The following HCN1 variants were observed in gnomAD, a reference collection of about 807,000 sequenced individuals.
HCN1 encodes the protein potassium/sodium hyperpolarization-activated cyclic nucleotide-gated channel 1.
Under a neutral mutation model 78.9 loss-of-function variants are expected in HCN1, and 13 were observed. The observed-to-expected ratio is 0.16, with a 90% CI of 0.11 to 0.26. HCN1 has a LOEUF of 0.26. Among genes scored for constraint, HCN1 ranks in the 10% least tolerant of loss-of-function variants. The pLI, the probability that HCN1 is intolerant of heterozygous loss-of-function variation, is 1.00. For synonymous variants in HCN1, 552 were observed against 455.5 expected (o/e 1.21, Z -2.70); for missense variants, 810 against 1,154.3 (o/e 0.70, Z 4.32).
At chr5:45,268,731 C>A (rs909622152) in intron 6 of HCN1, among the ~76,000 whole-genome samples, 3 of 152,056 alleles carry the variant, frequency 2.0e-5, no homozygotes, top group African/African-American at 7.2e-5. Flanking sequence ...ATGTTGTAAA[C>A]CTGCTAAATA....
At chr5:45,327,121 G>A (rs1430193753) in intron 5 of HCN1, among the ~76,000 whole-genome samples, 2 of 151,558 alleles carry the variant, frequency 1.3e-5, no homozygotes, top group Admixed American at 1.3e-4. Context: ...GTAAGGTCCA[G>A]CACAATTTAG....
In HCN1 at chr5:45,255,413, A is replaced by T. The variant is rs899749916; in HGVS notation, c.*6508T>A. ...TTCAATATTAATACACATATGAATC[A>T]TCTGGGGATCTTGCCCAAAAGCGGA... On this transcript the variant is annotated 3_prime_UTR_variant, in exon 8 of 8. Coordinates refer to ENST00000303230, the MANE Select transcript of HCN1 (RefSeq NM_021072.4). 7.9e-5 allele frequency: 12 copies of T among 152,234 alleles called. No homozygotes were observed. The highest frequency in any genetic ancestry group is 3.2e-3 in the Middle Eastern group (1 of 316). The allele number at this position is 152,234 out of a possible 1,614,324, so 9.4% of individuals were successfully genotyped here. A position where few individuals can be genotyped will look rare whatever the true frequency, so the allele number is the denominator to read the frequency against.
At chr5:45,486,390 T>C (rs760629023) in intron 2 of HCN1, among the ~76,000 whole-genome samples, 25 of 152,170 alleles carry the variant, frequency 1.6e-4, no homozygotes, top group Admixed American at 2.6e-4. Flanking sequence ...TTAAATTCAT[T>C]CTATTACAAA....
At chr5:45,406,267 T>C (rs1739917707) in intron 3 of HCN1, among the ~76,000 whole-genome samples, 1 of 152,136 alleles carries the variant, frequency 6.6e-6, no homozygotes. Flanking sequence ...TAAATAAATA[T>C]AAGCAAACAT....
chr5:45,673,226 A>T (rs1746193402), intron 1 of HCN1, among the ~76,000 whole-genome samples: 1 of 151,572 alleles, frequency 6.6e-6, no homozygotes. Flanking sequence ...GGTATTGCAG[A>T]GGAATAGCAC....
chr5:45,340,744 T>C (rs1297076635), intron 5 of HCN1, among the ~76,000 whole-genome samples: 1 of 152,174 alleles, frequency 6.6e-6, no homozygotes, highest in Non-Finnish European at 1.5e-5. Flanking sequence ...ATTTTCTTTA[T>C]CAAAATAAAC....
chr5:45,465,706 G>T (rs1741255987), intron 2 of HCN1, among the ~76,000 whole-genome samples: 1 of 152,084 alleles, frequency 6.6e-6, no homozygotes, highest in Non-Finnish European at 1.5e-5. Context: ...AGTGAGTCGA[G>T]ATCATGCCAC....
Position 45,696,082 on chromosome 5 carries a change from G to A in HCN1, c.12C>T (p.Gly4=). The A allele has an allele frequency of 1.5e-6, 2 of 1,350,694 alleles. No homozygotes were observed. The highest frequency in any genetic ancestry group is 1.5e-5 in the South Asian group (1 of 67,914). 83.7% of individuals were successfully genotyped at this position (1,350,694 alleles called of 1,614,324 possible). The change falls in exon 1 of 8, where the codon GGC becomes GGT. Residue 4 remains glycine (G), a synonymous_variant. Coordinates refer to ENST00000303230, the MANE Select transcript of HCN1 (RefSeq NM_021072.4). ...TGTTAGACGAAGAGTTGGGCTTGCC[G>A]CCTCCTTCCATGCCCGGAGGACGCG... The part of the protein sequence containing the change: MEG[G]GKPNSSSNSR...
At chr5:45,586,064 A>T (rs1285189863) in intron 2 of HCN1, among the ~76,000 whole-genome samples, 2 of 152,122 alleles carry the variant, frequency 1.3e-5, no homozygotes, top group Admixed American at 6.6e-5. Context: ...TCAGACAGGG[A>T]CATTTAAGTC....
chr5:45,300,501 C>T (rs1745591956), intron 6 of HCN1, among the ~76,000 whole-genome samples: 1 of 151,816 alleles, frequency 6.6e-6, no homozygotes, highest in African/African-American at 2.4e-5. Flanking sequence ...TTTTCTCTTC[C>T]TTATTAATTT....
chr5:45,462,442 A>G (rs1454140722), intron 2 of HCN1, among the ~76,000 whole-genome samples: 2 of 152,096 alleles, frequency 1.3e-5, no homozygotes, highest in Admixed American at 6.6e-5. Context: ...TGAAAACCAT[A>G]TGCCAAAGGA....
At position 45,695,676 on chromosome 5, in the gene HCN1, C is replaced by A; in HGVS notation, c.418G>T (p.Asp140Tyr). 6.2e-7 allele frequency: 1 copy of A among 1,612,164 alleles called. No individual in the cohort carries two copies. Among genetic ancestry groups the A allele is most frequent in the Non-Finnish European group, 8.5e-7 (1 of 1,179,450 alleles). ...AGFWIIHPYS[D>Y]FRFYWDLIML... ...GCGACCGGGAGCCCTCACCTGAAAT[C>A]ACTGTAAGGGTGGATAATCCAGAAG... The change falls in exon 1 of 8, where the codon GAT (aspartate) becomes TAT (tyrosine). Residue 140 changes from aspartate to tyrosine, a missense_variant. By Grantham distance (160) the Asp-to-Tyr change is radical. Transcript: ENST00000303230.
At chr5:45,625,983 T>A (rs1163863187) in intron 2 of HCN1, among the ~76,000 whole-genome samples, 1 of 152,222 alleles carries the variant, frequency 6.6e-6, no homozygotes. Flanking sequence ...AATTCTTTTA[T>A]GTGCCAGGAA....
At chr5:45,326,237 T>TA (rs1484712333) in intron 5 of HCN1, among the ~76,000 whole-genome samples, 3 of 151,670 alleles carry the variant, frequency 2.0e-5, no homozygotes, top group South Asian at 2.1e-4. Flanking sequence ...CATAAATTTT[T>TA]AAAAAATAAA....
intron 4 of HCN1, among the ~76,000 whole-genome samples, chr5:45,354,063 G>A (rs181786189): frequency 6.7e-6 from 1 of 149,688 alleles, no homozygotes; most frequent in African/African-American, 2.5e-5. Flanking sequence ...GAGAGAGAGA[G>A]AGATTGTTTG....
chr5:45,629,332 T>C (rs569494265), intron 2 of HCN1, among the ~76,000 whole-genome samples: 3 of 152,280 alleles, frequency 2.0e-5, no homozygotes, highest in African/African-American at 7.2e-5. Flanking sequence ...CATTGTTAAT[T>C]GAGTAAATTT....
chr5:45,696,157 C>T lies in HCN1; in HGVS notation c.-64G>A. On this transcript the variant is annotated 5_prime_UTR_variant, in exon 1 of 8. Transcript: ENST00000303230. ...CTCGCCGGCCGCCCGGCGCCGGAGA[C>T]ACGTAGCCGAGAGGGTAGGGGCCCG... 1 of 1,159,310 alleles carries T rather than the reference C, an allele frequency of 8.6e-7. No individual in the cohort carries two copies. The highest frequency in any genetic ancestry group is 1.1e-6 in the Non-Finnish European group (1 of 916,494). The allele number at this position is 1,159,310 out of a possible 1,614,324, so 71.8% of individuals were successfully genotyped here. A position where few individuals can be genotyped will look rare whatever the true frequency, so the allele number is the denominator to read the frequency against.
intron 6 of HCN1, among the ~76,000 whole-genome samples, chr5:45,274,168 T>C (rs1237767471): frequency 6.6e-6 from 1 of 152,166 alleles, no homozygotes; most frequent in Non-Finnish European, 1.5e-5. Context: ...ATAACCAGAA[T>C]ACCCAATTTT....
At chr5:45,523,527 C>T (rs926274492) in intron 2 of HCN1, among the ~76,000 whole-genome samples, 4 of 152,100 alleles carry the variant, frequency 2.6e-5, no homozygotes, top group African/African-American at 9.7e-5. Flanking sequence ...CCTGTTGTTT[C>T]CTGACTTTTT....
Sources: gnomAD v4.1 joint callset for allele counts (sites outside exome capture counted in the v4.1 genomes callset) on GRCh38, gnomAD v4.1.1 for gene constraint, MANE v1.5 for transcripts, NCBI Gene and HGNC (gene_info 2026-07-23, HGNC 2026-07-21) for gene names.